PVALEF: variants seen among roughly 807,000 people sequenced by gnomAD.
PVALEF encodes the protein parvalbumin-like EF-hand-containing protein.
PVALEF carries 2 observed loss-of-function variants against 1.2 expected under a neutral mutation model. The ratio of observed to expected loss-of-function variants is 1.68; its 90% CI spans 0.69 to 5.28. The LOEUF (loss-of-function observed/expected upper bound fraction) is 5.28. PVALEF is among the 30% of genes most tolerant of loss of function. PVALEF has a pLI of 0.06. For missense variants in PVALEF, 35 were observed against 17.7 expected (o/e 1.97, Z -1.75); for synonymous variants, 16 against 6.5 (o/e 2.47, Z -2.24).
intron 2 of PVALEF, among the ~76,000 whole-genome samples, chr17:81,174,304 GA>G (rs947395988): frequency 1.3e-5 from 2 of 152,114 alleles, no homozygotes; most frequent in African/African-American, 4.8e-5. Context: ...AATTAAGCAA[GA>G]AAAAGAAATA....
chr17:81,178,438 C>T (rs1381944887), intron 2 of PVALEF, among the ~76,000 whole-genome samples: 1 of 152,200 alleles, frequency 6.6e-6, no homozygotes, highest in African/African-American at 2.4e-5. Flanking sequence ...CAGAGCCAGC[C>T]AGGGATCACC....
intron 3 of PVALEF, 44 bp downstream of exon 3, chr17:81,179,196 G>A (rs2061545383): frequency 3.3e-6 from 1 of 300,062 alleles, no homozygotes; most frequent in Non-Finnish European, 6.9e-6. Flanking sequence ...TGGCCGCTGA[G>A]GTTATCCGAG....
intron 2 of PVALEF, among the ~76,000 whole-genome samples, chr17:81,178,493 G>A (rs1233702307): frequency 6.6e-6 from 1 of 152,188 alleles, no homozygotes; most frequent in Non-Finnish European, 1.5e-5. Context: ...TTTGGGAGGA[G>A]GACGTGGCTT....
intron 3 of PVALEF, 146 bp from the exon 4 acceptor site, chr17:81,180,977 G>T: frequency 2.2e-6 from 1 of 446,054 alleles, no homozygotes; most frequent in South Asian, 3.4e-5. Context: ...AGGCGCTGCC[G>T]TGAGGCGCAC....
At position 81,165,734 on chromosome 17, in the gene PVALEF, A is replaced by C; in HGVS notation, c.-521A>C. ...ACGACCACGCGGGGGACGCCAGCCC[A>C]CAGGCGGAGGCCGGTTTGTGCTGGG... On this transcript the variant is annotated 5_prime_UTR_variant, in exon 1 of 7. Transcript: ENST00000637878. The C allele has an allele frequency of 1.3e-6, 2 of 1,524,676 alleles. No individual in the cohort carries two copies. The highest frequency in any genetic ancestry group is 2.8e-5 in the African/African-American group (2 of 72,622). 94.4% of individuals were successfully genotyped at this position (1,524,676 alleles called of 1,614,324 possible).
intron 2 of PVALEF, among the ~76,000 whole-genome samples, chr17:81,172,557 C>A (rs2061524142): frequency 6.6e-6 from 1 of 152,120 alleles, no homozygotes. Context: ...GCAGGAGGAT[C>A]ACTTGGGGTC....
intron 4 of PVALEF, 27 bp downstream of exon 4, chr17:81,181,359 C>A (rs374102639): frequency 3.2e-6 from 2 of 629,484 alleles, no homozygotes; most frequent in Non-Finnish European, 5.8e-6. Context: ...CCCGGCGCGG[C>A]CCCCCGCCCG....
At chr17:81,180,234 C>T (rs1237386430) in intron 3 of PVALEF, among the ~76,000 whole-genome samples, 1 of 152,200 alleles carries the variant, frequency 6.6e-6, no homozygotes, top group Non-Finnish European at 1.5e-5. Context: ...GACATTGGTT[C>T]CTGGCTTGGC....
intron 3 of PVALEF, 39 bp from the exon 4 acceptor site, chr17:81,181,084 C>A (rs766426152): frequency 1.6e-6 from 1 of 614,260 alleles, no homozygotes; most frequent in South Asian, 1.9e-5. Context: ...CTGGCATGAC[C>A]CCAACACTGT....
chr17:81,179,038 C>G lies in PVALEF; in HGVS notation c.-219C>G. The G allele has an allele frequency of 2.2e-6, 1 of 454,614 alleles. No individual in the cohort carries two copies. Among genetic ancestry groups the G allele is most frequent in the South Asian group, 1.6e-5 (1 of 64,282 alleles). The allele number at this position is 454,614 out of a possible 1,614,324, so 28.2% of individuals were successfully genotyped here. ...CTGGAGTGCCGGGGAGGGGCGAGGA[C>G]AGCTGCAGCCCCGAGATGTAAACAG... On this transcript the variant is annotated 5_prime_UTR_variant, in exon 3 of 7. Transcript: ENST00000637878.
At chr17:81,182,176 C>A (rs1321206103) in intron 6 of PVALEF, 95 bp downstream of exon 6, 3 of 397,680 alleles carry the variant, frequency 7.5e-6, no homozygotes, top group Non-Finnish European at 1.3e-5. Flanking sequence ...CACTGGCACA[C>A]AACTCACAGA....
intron 3 of PVALEF, among the ~76,000 whole-genome samples, chr17:81,180,305 G>T (rs2061549450): frequency 6.6e-6 from 1 of 152,174 alleles, no homozygotes; most frequent in Non-Finnish European, 1.5e-5. Context: ...ATTGGGCCCG[G>T]GGCCCCGAGT....
chr17:81,170,951 C>T (rs1005091831), intron 2 of PVALEF, among the ~76,000 whole-genome samples: 2 of 152,128 alleles, frequency 1.3e-5, no homozygotes, highest in African/African-American at 4.8e-5. Flanking sequence ...GGCAGCAGGG[C>T]CCTCAGGCAG....
chr17:81,178,701 C>T (rs1457432783), intron 2 of PVALEF, among the ~76,000 whole-genome samples: 1 of 152,052 alleles, frequency 6.6e-6, no homozygotes, highest in Non-Finnish European at 1.5e-5. Flanking sequence ...GGTCCCCAGC[C>T]TCAATCTCCC....
intron 2 of PVALEF, among the ~76,000 whole-genome samples, chr17:81,172,499 C>A: frequency 6.6e-6 from 1 of 152,318 alleles, no homozygotes; most frequent in African/African-American, 2.4e-5. Context: ...TTGCTGGGGC[C>A]AGGCGTGGCA....
At chr17:81,181,033 C>G in intron 3 of PVALEF, 90 bp from the exon 4 acceptor site, 1 of 536,486 alleles carries the variant, frequency 1.9e-6, no homozygotes, top group Admixed American at 3.3e-5. Context: ...TGTGCCCAGA[C>G]CCCCACCTGC....
Position 81,181,575 on chromosome 17 carries a change from C to G in PVALEF, c.123C>G (p.Leu41=), listed in dbSNP as rs747681559. The part of the protein sequence containing the change: ...DMRHHGSFNY[L]KFFKHIRKLH... ...TTGCCCCAGGGTCCTTCAACTACCT[C>G]AAGTTCTTCAAGCACATCCGCAAGC... is the stretch of plus-strand genomic sequence containing the variant. Residue 41 remains leucine (L), a synonymous_variant, in exon 5 of 7, where the codon CTC becomes CTG. Coordinates refer to ENST00000637878, the MANE Select transcript of PVALEF (RefSeq NM_001354639.2). 4.5e-6 allele frequency: 2 copies of G among 441,652 alleles called. No individual in the cohort carries two copies. The highest frequency in any genetic ancestry group is 3.5e-5 in the East Asian group (1 of 28,788). 27.4% of individuals were successfully genotyped at this position (441,652 alleles called of 1,614,324 possible).
chr17:81,179,563 G>T (rs565108877), intron 3 of PVALEF, among the ~76,000 whole-genome samples: 64 of 152,268 alleles, frequency 4.2e-4, no homozygotes, highest in African/African-American at 1.5e-3. Context: ...TGGCAGGGCA[G>T]CGAGTCCAAG....
chr17:81,174,948 C>A (rs201907944), intron 2 of PVALEF, among the ~76,000 whole-genome samples: 1,552 of 131,334 alleles, frequency 0.012, no homozygotes, highest in Non-Finnish European at 0.015. Context: ...GACTCCGTCT[C>A]AAAAAAAAAA....
Sources: gnomAD v4.1 joint callset for allele counts (sites outside exome capture counted in the v4.1 genomes callset) on GRCh38, gnomAD v4.1.1 for gene constraint, MANE v1.5 for transcripts, NCBI Gene and HGNC (gene_info 2026-07-23, HGNC 2026-07-21) for gene names.